NTRK3: variants seen among roughly 807,000 people sequenced by gnomAD.
NTRK3 encodes NT-3 growth factor receptor.
Under a neutral mutation model 91.7 loss-of-function variants are expected in NTRK3, and 24 were observed. The observed-to-expected ratio is 0.26, with a 90% CI of 0.19 to 0.37. The LOEUF (loss-of-function observed/expected upper bound fraction) is 0.37, where lower values mean the gene tolerates loss of function less well. Ranked by LOEUF, NTRK3 falls within the 10% of genes least tolerant of loss-of-function variation. NTRK3 has a pLI of 1.00. For missense variants in NTRK3, 880 were observed against 1,068.9 expected, an observed-to-expected ratio of 0.82 and a Z score of 2.46; for synonymous variants, 483 against 404.0, an observed-to-expected ratio of 1.20 and a Z score of -2.34.
intron 14 of NTRK3, among the ~76,000 whole-genome samples, chr15:87,966,623 A>T (rs974084899): frequency 1.3e-5 from 2 of 152,192 alleles, no homozygotes; most frequent in Non-Finnish European, 2.9e-5. Context: ...CAGTACACGT[A>T]CCTGCAGCGT....
chr15:88,147,263 T>A (rs2042969586), intron 6 of NTRK3, 72 bp downstream of exon 6: 2 of 1,427,870 alleles, frequency 1.4e-6, no homozygotes, highest in Non-Finnish European at 2.0e-6. Context: ...GTGGTTCCAC[T>A]GCTTGACACT....
At chr15:88,036,162 G>A (rs1034397375) in intron 13 of NTRK3, among the ~76,000 whole-genome samples, 2 of 151,990 alleles carry the variant, frequency 1.3e-5, no homozygotes, top group Non-Finnish European at 1.5e-5. Flanking sequence ...ATTAACACAA[G>A]TGCACAACTA....
intron 3 of NTRK3, among the ~76,000 whole-genome samples, chr15:88,214,239 C>A (rs759852105): frequency 6.6e-6 from 1 of 152,110 alleles, no homozygotes; most frequent in Non-Finnish European, 1.5e-5. Context: ...AGTCAGAAAT[C>A]AAGGTGTCAG....
chr15:88,175,084 C>T (rs1385381395), intron 5 of NTRK3, among the ~76,000 whole-genome samples: 1 of 152,214 alleles, frequency 6.6e-6, no homozygotes, highest in East Asian at 1.9e-4. Flanking sequence ...GTTTCATGCA[C>T]CCCCAGTAGC....
intron 3 of NTRK3, among the ~76,000 whole-genome samples, chr15:88,199,505 G>T (rs1433589850): frequency 1.3e-5 from 2 of 152,198 alleles, no homozygotes; most frequent in Non-Finnish European, 2.9e-5. Context: ...CCTTGGGCAA[G>T]AACATTTAAT....
At chr15:87,882,563 G>C (rs563448185) in intron 17 of NTRK3, among the ~76,000 whole-genome samples, 1 of 152,094 alleles carries the variant, frequency 6.6e-6, no homozygotes, top group Non-Finnish European at 1.5e-5. Context: ...TACTACCACT[G>C]ATACAACTAA....
intron 13 of NTRK3, among the ~76,000 whole-genome samples, chr15:88,053,018 G>A (rs116638857): frequency 1.9e-3 from 288 of 152,286 alleles, no homozygotes; most frequent in African/African-American, 6.6e-3. Context: ...CCCCTCAACA[G>A]TGTCCATTTA....
At chr15:88,188,260 C>T (rs922473537) in intron 3 of NTRK3, among the ~76,000 whole-genome samples, 1 of 152,168 alleles carries the variant, frequency 6.6e-6, no homozygotes, top group Non-Finnish European at 1.5e-5. Flanking sequence ...ACATCAGGTG[C>T]CCACTCCTAC....
At position 88,090,615 on chromosome 15, in the gene NTRK3, C is replaced by T. The variant is rs573706348; in HGVS notation, c.1396+35656G>A. On this transcript the variant is annotated intron_variant, in intron 13 of 18. Coordinates refer to ENST00000394480, the Ensembl canonical transcript of NTRK3. The stretch of plus-strand genomic sequence containing the variant: ...CCGTGACAGCTGCTGTCTCTCCAGC[C>T]ACTCCCTGGGGTGTCATGTCAAACA... Among the ~76,000 whole-genome samples the T allele has an allele frequency of 5.1e-4, 78 of 152,266 alleles. 1 individual carries two copies. Among genetic ancestry groups the T allele is most frequent in the Admixed American group, 8.5e-4 (13 of 15,292 alleles).
intron 14 of NTRK3, among the ~76,000 whole-genome samples, chr15:87,992,354 C>G (rs1014903912): frequency 6.6e-6 from 1 of 152,118 alleles, no homozygotes; most frequent in Non-Finnish European, 1.5e-5. Flanking sequence ...GTCCTGAATG[C>G]TTATCTTCTA....
At chr15:88,117,840 C>G (rs966277129) in intron 13 of NTRK3, among the ~76,000 whole-genome samples, 2 of 152,204 alleles carry the variant, frequency 1.3e-5, no homozygotes, top group African/African-American at 4.8e-5. Flanking sequence ...GTGTTATTAA[C>G]CCTTCTGAGT....
intron 13 of NTRK3, among the ~76,000 whole-genome samples, chr15:88,046,260 A>G (rs751477628): frequency 6.6e-6 from 1 of 152,164 alleles, no homozygotes; most frequent in Non-Finnish European, 1.5e-5. Flanking sequence ...TGACCTACAG[A>G]CTATAGTTCA....
chr15:87,909,937 C>T (rs2066990310), intron 17 of NTRK3, among the ~76,000 whole-genome samples: 1 of 152,162 alleles, frequency 6.6e-6, no homozygotes, highest in Admixed American at 6.5e-5. Flanking sequence ...GTGAGAAAAT[C>T]AGATTCTGTT....
chr15:87,961,025 C>T (rs938884275), intron 14 of NTRK3, among the ~76,000 whole-genome samples: 1 of 144,124 alleles, frequency 6.9e-6, no homozygotes. Flanking sequence ...TTTCCTAGTC[C>T]TCATTCAACA....
At chr15:88,133,086 C>T (rs2041527340) in intron 10 of NTRK3, among the ~76,000 whole-genome samples, 1 of 152,120 alleles carries the variant, frequency 6.6e-6, no homozygotes, top group East Asian at 1.9e-4. Flanking sequence ...GTGAGTGGCG[C>T]TTGAGAACTT....
In NTRK3 at chr15:88,135,090, G is replaced by T. The variant is rs370240564; in HGVS notation, c.1204+11C>A. ...ATCCATACACCTCCGATCCAGCTAC[G>T]CTGCCCTCACCTGGAAAGGGCTCCT... is the stretch of plus-strand genomic sequence containing the variant. On this transcript the variant is annotated intron_variant, in intron 10 of 18. Transcript: ENST00000394480. The T allele has an allele frequency of 1.2e-6, 2 of 1,614,148 alleles. No homozygotes were observed. The highest frequency in any genetic ancestry group is 1.7e-6 in the Non-Finnish European group (2 of 1,179,988).
At chr15:87,980,321 G>T (rs2074114551) in intron 14 of NTRK3, among the ~76,000 whole-genome samples, 2 of 151,664 alleles carry the variant, frequency 1.3e-5, no homozygotes, top group South Asian at 4.2e-4. Flanking sequence ...TAAAGAGTGT[G>T]TGTGTGCATT....
intron 13 of NTRK3, among the ~76,000 whole-genome samples, chr15:88,047,871 G>A (rs940961208): frequency 6.6e-6 from 1 of 152,124 alleles, no homozygotes; most frequent in Non-Finnish European, 1.5e-5. Flanking sequence ...TGTGGGAGTG[G>A]AAGGTGGAGA....
chr15:87,862,658 G>C (rs2064558860), exon 19 of NTRK3: 1 of 228,846 alleles, frequency 4.4e-6, no homozygotes, highest in South Asian at 1.8e-4. Flanking sequence ...ATAAAAACTG[G>C]CCAATCACAA....
Sources: gnomAD v4.1 joint callset for allele counts (sites outside exome capture counted in the v4.1 genomes callset) on GRCh38, gnomAD v4.1.1 for gene constraint, MANE v1.5 for transcripts, NCBI Gene and HGNC (gene_info 2026-07-23, HGNC 2026-07-21) for gene names.